Variants in GC observed in about 807,000 individuals in gnomAD.
GC encodes vitamin D-binding protein.
A neutral mutation model predicts 56.7 loss-of-function variants in GC; 43 were observed. That is an observed-to-expected ratio of 0.76 (90% CI 0.59 to 0.98). GC has a LOEUF of 0.98. Ranked by LOEUF, GC falls within the 50% of genes least tolerant of loss-of-function variation. The probability of loss-of-function intolerance (pLI) is 0.00; values close to 1 mark genes in which losing one functional copy is unlikely to be tolerated. For synonymous variants in GC, 216 were observed against 202.7 expected, an observed-to-expected ratio of 1.07 and a Z score of -0.56; for missense variants, 529 against 545.9, an observed-to-expected ratio of 0.97 and a Z score of 0.31.
chr4:71,804,169 G>A (rs971890665), upstream of GC: 1 of 574,310 alleles, frequency 1.7e-6, no homozygotes, highest in African/African-American at 1.9e-5. Context: ...GTCAGACACA[G>A]GTATGCAGTG....
rs976752712 is a variant in GC, at chr4:71,803,862, A to G, written c.21+64T>C. On this transcript the variant is annotated intron_variant, in intron 1 of 13. Coordinates refer to the GC transcript ENST00000504199. The stretch of plus-strand genomic sequence containing the variant: ...CAGAACATTGTAAATTCATTTTATA[A>G]GGAAACTAAAGCTCAGAGAGTACCA... 31 of 879,294 alleles carry G rather than the reference A, an allele frequency of 3.5e-5. No individual in the cohort carries two copies. In the Admixed American group the frequency reaches 4.2e-4, roughly 12 times the overall value. The allele number at this position is 879,294 out of a possible 1,614,324, so 54.5% of individuals were successfully genotyped here.
At chr4:71,746,762 C>T (rs1359588061) in intron 11 of GC, among the ~76,000 whole-genome samples, 1 of 108,232 alleles carries the variant, frequency 9.2e-6, no homozygotes, top group Non-Finnish European at 1.7e-5. Context: ...TCCAAAATAC[C>T]TCTATTTTGT....
intron 12 of GC, among the ~76,000 whole-genome samples, chr4:71,742,323 G>C (rs944701781): frequency 2.0e-5 from 3 of 152,110 alleles, no homozygotes; most frequent in African/African-American, 7.2e-5. Flanking sequence ...CTTTGTATTA[G>C]GGCCAATTCG....
intron 6 of GC, among the ~76,000 whole-genome samples, chr4:71,760,715 G>T (rs984138013): frequency 1.3e-5 from 2 of 152,136 alleles, no homozygotes; most frequent in African/African-American, 2.4e-5. Context: ...TGAATCATGG[G>T]GGTGGGTCTT....
chr4:71,748,596 G>T (rs1741451775), intron 11 of GC, among the ~76,000 whole-genome samples: 1 of 152,082 alleles, frequency 6.6e-6, no homozygotes, highest in African/African-American at 2.4e-5. Flanking sequence ...GAGAAAAGAA[G>T]ATTTCAAGTC....
intron 11 of GC, among the ~76,000 whole-genome samples, chr4:71,749,611 CCACCTAA>C (rs1741482839): frequency 6.6e-6 from 1 of 152,042 alleles, no homozygotes; most frequent in Non-Finnish European, 1.5e-5. Context: ...TAGGTTAAGG[CCACCTAA>C]ATTGGAACTA....
chr4:71,801,829 C>G (rs187683280), intron 1 of GC, among the ~76,000 whole-genome samples: 8 of 151,534 alleles, frequency 5.3e-5, no homozygotes, highest in Non-Finnish European at 1.0e-4. Flanking sequence ...TTCCACTTCT[C>G]TAAACTTCAT....
At chr4:71,795,297 C>T (rs1207545561) in intron 1 of GC, among the ~76,000 whole-genome samples, 6 of 152,144 alleles carry the variant, frequency 3.9e-5, no homozygotes, top group Admixed American at 6.5e-5. Flanking sequence ...GAGTCAAAGT[C>T]TCTTTGTAGG....
intron 12 of GC, among the ~76,000 whole-genome samples, chr4:71,743,568 T>C (rs61320759): frequency 0.016 from 2,502 of 152,316 alleles, 64 homozygotes; most frequent in African/African-American, 0.056. Context: ...GACTTCATAA[T>C]TGTCCAATAC....
At chr4:71,768,263 C>G in intron 3 of GC, 38 bp downstream of exon 3, 1 of 1,532,702 alleles carries the variant, frequency 6.5e-7, no homozygotes, top group Non-Finnish European at 8.8e-7. Context: ...GCTTCCTTCT[C>G]TGGGCTGCCA....
chr4:71,775,167 G>A (rs1440926626), intron 1 of GC, among the ~76,000 whole-genome samples: 1 of 151,444 alleles, frequency 6.6e-6, no homozygotes, highest in Non-Finnish European at 1.5e-5. Flanking sequence ...CTCACTAGAC[G>A]TTTGCTAATA....
Position 71,769,463 on chromosome 4 carries a change from A to T in GC, c.59-63T>A, listed in dbSNP as rs918883674. ...TTTTGATGAATATTATGTTACATGT[A>T]CATGTATAAAGTGATCTTCCACGTG... On this transcript the variant is annotated intron_variant, in intron 1 of 12. Transcript: ENST00000273951. The T allele has an allele frequency of 1.6e-5, 17 of 1,069,000 alleles. No individual in the cohort carries two copies. In the Admixed American group the frequency reaches 1.8e-4, roughly 11 times the overall value. The allele number at this position is 1,069,000 out of a possible 1,614,324, so 66.2% of individuals were successfully genotyped here.
At chr4:71,778,886 T>C (rs222027) in intron 1 of GC, among the ~76,000 whole-genome samples, 147,785 of 149,480 alleles carry the variant, frequency 0.99, 73,076 homozygotes, top group East Asian at 1. Flanking sequence ...AGAATATTGC[T>C]GTCAGTTATT....
intron 11 of GC, among the ~76,000 whole-genome samples, chr4:71,751,932 A>C (rs1741569737): frequency 6.6e-6 from 1 of 152,150 alleles, no homozygotes. Context: ...TGTGACCTTT[A>C]GAAATTCTTC....
chr4:71,773,015 T>A (rs1225944590), intron 1 of GC, among the ~76,000 whole-genome samples: 1 of 152,130 alleles, frequency 6.6e-6, no homozygotes, highest in Non-Finnish European at 1.5e-5. Context: ...TTCCATGGAA[T>A]ACTGCTTAAT....
chr4:71,799,606 G>A (rs1168030544), intron 1 of GC, among the ~76,000 whole-genome samples: 1 of 152,172 alleles, frequency 6.6e-6, no homozygotes, highest in African/African-American at 2.4e-5. Flanking sequence ...TGAGTACTCA[G>A]CTCTAAAGTG....
At chr4:71,779,506 G>A (rs996472274) in intron 1 of GC, among the ~76,000 whole-genome samples, 1 of 151,792 alleles carries the variant, frequency 6.6e-6, no homozygotes, top group Non-Finnish European at 1.5e-5. Flanking sequence ...AAAGGACTTA[G>A]AGTGTGAGAT....
At chr4:71,803,526 G>T (rs1743297640) in intron 1 of GC, among the ~76,000 whole-genome samples, 1 of 151,996 alleles carries the variant, frequency 6.6e-6, no homozygotes, top group Non-Finnish European at 1.5e-5. Context: ...TGCACTCAGA[G>T]AAATGAATCC....
chr4:71,802,323 T>A (rs954198256), intron 1 of GC, among the ~76,000 whole-genome samples: 1 of 152,190 alleles, frequency 6.6e-6, no homozygotes, highest in Non-Finnish European at 1.5e-5. Flanking sequence ...GATTGACATT[T>A]ACCTTCTAGG....
Sources: allele counts gnomAD v4.1 joint callset (sites outside exome capture counted in the v4.1 genomes callset), GRCh38; gene constraint gnomAD v4.1.1; transcripts MANE v1.5; gene names NCBI Gene and HGNC (gene_info 2026-07-23, HGNC 2026-07-21).